The following PARD3B variants were observed in gnomAD, a reference collection of about 807,000 sequenced individuals.
The protein encoded by PARD3B is par-3 family cell polarity regulator beta.
A neutral mutation model predicts 130.2 loss-of-function variants in PARD3B; 103 were observed. The ratio of observed to expected loss-of-function variants is 0.79; its 90% CI spans 0.67 to 0.93. The LOEUF (loss-of-function observed/expected upper bound fraction) is 0.93. PARD3B is among the 40% of genes least tolerant of loss of function. The probability of loss-of-function intolerance (pLI) is 0.00; values close to 1 mark genes in which losing one functional copy is unlikely to be tolerated. For synonymous variants in PARD3B, 583 were observed against 553.2 expected (o/e 1.05, Z -0.76); for missense variants, 1,609 against 1,499.2 (o/e 1.07, Z -1.21).
At chr2:204,760,659 C>T (rs2040861104) in intron 2 of PARD3B, among the ~76,000 whole-genome samples, 1 of 152,110 alleles carries the variant, frequency 6.6e-6, no homozygotes, top group South Asian at 2.1e-4. Context: ...AATACCTTGC[C>T]AATTTTTGAG....
At chr2:204,901,706 C>T (rs2046864720) in intron 2 of PARD3B, among the ~76,000 whole-genome samples, 1 of 152,040 alleles carries the variant, frequency 6.6e-6, no homozygotes, top group Non-Finnish European at 1.5e-5. Context: ...TGCTGGGTCA[C>T]ACCTGAAGCC....
At chr2:205,305,459 ACT>A (rs1289682251) in intron 18 of PARD3B, among the ~76,000 whole-genome samples, 1 of 152,030 alleles carries the variant, frequency 6.6e-6, no homozygotes, top group African/African-American at 2.4e-5. Context: ...GCCTCTGTAG[ACT>A]CTGTCCTTCC....
chr2:205,185,184 G>T (rs1423784785), intron 13 of PARD3B, among the ~76,000 whole-genome samples: 1 of 152,032 alleles, frequency 6.6e-6, no homozygotes, highest in East Asian at 1.9e-4. Flanking sequence ...TTAGACCCCT[G>T]TCTTTTCCTT....
intron 2 of PARD3B, among the ~76,000 whole-genome samples, chr2:204,919,450 A>T (rs968689559): frequency 4.6e-5 from 7 of 152,164 alleles, no homozygotes; most frequent in Non-Finnish European, 1.0e-4. Flanking sequence ...ATTGTTTTCT[A>T]CCATAAATTG....
chr2:205,591,716 C>T lies in PARD3B; in HGVS notation c.3261-23740C>T, dbSNP rs1024243010. ...CTCAAGGTTGGCTGGAACCTAAACA[C>T]AGACATACAAGGAGGGAATCAGGAG... On this transcript the variant is annotated intron_variant, in intron 22 of 22. Transcript: ENST00000406610. The surrounding 1 kb of genome is among the most constrained non-coding windows in gnomAD (Gnocchi z 4.2). Among the ~76,000 whole-genome samples, 3 of 152,122 alleles carry T rather than the reference C, an allele frequency of 2.0e-5. No individual in the cohort carries two copies. Among genetic ancestry groups the T allele is most frequent in the African/African-American group, 7.2e-5 (3 of 41,418 alleles).
At chr2:205,428,145 G>C (rs2047208690) in intron 19 of PARD3B, among the ~76,000 whole-genome samples, 1 of 152,134 alleles carries the variant, frequency 6.6e-6, no homozygotes, top group Non-Finnish European at 1.5e-5. Context: ...CACTTTGGGA[G>C]GCCAAGGCAG....
At chr2:204,625,144 A>AT (rs1332199270) in intron 1 of PARD3B, among the ~76,000 whole-genome samples, 2 of 151,966 alleles carry the variant, frequency 1.3e-5, no homozygotes, top group African/African-American at 4.8e-5. Flanking sequence ...GTTTGGAAAT[A>AT]TTTTTTTCTC....
At chr2:205,526,442 A>AAGCAGATATACCCAGAAG (rs1379959351) in intron 21 of PARD3B, among the ~76,000 whole-genome samples, 2 of 152,192 alleles carry the variant, frequency 1.3e-5, no homozygotes, top group African/African-American at 4.8e-5. Flanking sequence ...AAATTTTGGT[A>AAGCAGATATACCCAGAAG]AGCAGATATA....
intron 11 of PARD3B, among the ~76,000 whole-genome samples, chr2:205,166,137 G>A (rs557252547): frequency 6.6e-6 from 1 of 152,086 alleles, no homozygotes. Context: ...ACTAGACACC[G>A]CATACTTAAA....
intron 15 of PARD3B, among the ~76,000 whole-genome samples, chr2:205,219,171 C>T (rs568098443): frequency 3.3e-5 from 5 of 152,098 alleles, no homozygotes; most frequent in African/African-American, 9.6e-5. Context: ...ATTAGCTCAA[C>T]TTTGTTCGAG....
intron 22 of PARD3B, among the ~76,000 whole-genome samples, chr2:205,578,787 A>T (rs971956966): frequency 1.3e-5 from 2 of 152,208 alleles, no homozygotes; most frequent in African/African-American, 4.8e-5. Context: ...CTGACACATC[A>T]CGTCAAATTA....
At chr2:205,449,588 A>T (rs2048029493) in intron 20 of PARD3B, among the ~76,000 whole-genome samples, 1 of 152,152 alleles carries the variant, frequency 6.6e-6, no homozygotes, top group African/African-American at 2.4e-5. Flanking sequence ...AGACTTAATT[A>T]TGCAAAATAA....
chr2:204,882,466 T>C (rs969410000), intron 2 of PARD3B, among the ~76,000 whole-genome samples: 2 of 152,228 alleles, frequency 1.3e-5, no homozygotes, highest in African/African-American at 4.8e-5. Context: ...ATTTCTTTTA[T>C]GGCAAGTGTC....
At chr2:205,174,084 G>A (rs376179749) in intron 12 of PARD3B, among the ~76,000 whole-genome samples, 1 of 152,210 alleles carries the variant, frequency 6.6e-6, no homozygotes, top group Non-Finnish European at 1.5e-5. Flanking sequence ...AGAGTTAGTA[G>A]ATGACAGCAG....
At chr2:204,725,289 G>A (rs1393845500) in intron 2 of PARD3B, among the ~76,000 whole-genome samples, 1 of 152,162 alleles carries the variant, frequency 6.6e-6, no homozygotes, top group East Asian at 1.9e-4. Context: ...AACATGGAAA[G>A]AGATGTGATC....
At chr2:204,988,563 A>G (rs1693379389) in intron 3 of PARD3B, among the ~76,000 whole-genome samples, 1 of 152,242 alleles carries the variant, frequency 6.6e-6, no homozygotes, top group Admixed American at 6.5e-5. Context: ...TGCTTATTTC[A>G]TATTACATAC....
At chr2:205,092,313 A>G (rs1464145030) in intron 4 of PARD3B, among the ~76,000 whole-genome samples, 1 of 152,172 alleles carries the variant, frequency 6.6e-6, no homozygotes, top group Non-Finnish European at 1.5e-5. Flanking sequence ...TCTTATCTAG[A>G]AACAGCTCCA....
At chr2:205,419,900 G>A (rs186671224) in intron 19 of PARD3B, among the ~76,000 whole-genome samples, 1 of 152,262 alleles carries the variant, frequency 6.6e-6, no homozygotes, top group East Asian at 1.9e-4. Context: ...GTCTTCAAAT[G>A]ATGTCCCTCC....
chr2:205,228,286 A>G (rs2038664560), intron 15 of PARD3B, among the ~76,000 whole-genome samples: 1 of 152,164 alleles, frequency 6.6e-6, no homozygotes, highest in African/African-American at 2.4e-5. Context: ...TGTAGGACAC[A>G]TCTGGTGTAG....
Sources: gnomAD v4.1 joint callset for allele counts (sites outside exome capture counted in the v4.1 genomes callset) on GRCh38, gnomAD v4.1.1 for gene constraint, Gnocchi (gnomAD v3.1) non-coding constraint, MANE v1.5 for transcripts, NCBI Gene and HGNC (gene_info 2026-07-23, HGNC 2026-07-21) for gene names.